Variants in FOXI1 observed in about 807,000 individuals in gnomAD.
The protein encoded by FOXI1 is forkhead box protein I1.
In FOXI1, 11 loss-of-function variants were observed where a neutral mutation model predicts 16.4. That is an observed-to-expected ratio of 0.67 (90% CI 0.42 to 1.11). FOXI1 has a LOEUF of 1.11. Among genes scored for constraint, FOXI1 ranks in the 50% least tolerant of loss-of-function variants. FOXI1 has a pLI of 0.00. For synonymous variants in FOXI1, 218 were observed against 211.5 expected, an observed-to-expected ratio of 1.03 and a Z score of -0.27; for missense variants, 480 against 506.1, an observed-to-expected ratio of 0.95 and a Z score of 0.49.
intron 1 of FOXI1, 61 bp from the exon 2 acceptor site, chr5:170,107,988 A>G: frequency 7.6e-7 from 1 of 1,310,310 alleles, no homozygotes; most frequent in Non-Finnish European, 1.1e-6. Flanking sequence ...GACAATAAGG[A>G]GGAACAGAAG....
chr5:170,107,957 T>A (rs1178291437), intron 1 of FOXI1, 92 bp from the exon 2 acceptor site: 3 of 993,254 alleles, frequency 3.0e-6, no homozygotes, highest in Admixed American at 1.8e-5. Context: ...CCTGCATCTG[T>A]CACCTTGGCT....
Position 170,108,885 on chromosome 5 carries a change from A to G in FOXI1, c.*274A>G. ...CTGTACTAGGCTCTGTACTGGCCAC[A>G]CTTACTATTGACAGTCACCCCGTAA... On this transcript the variant is annotated 3_prime_UTR_variant, in exon 2 of 2. Transcript: ENST00000306268. The G allele has an allele frequency of 2.1e-6, 1 of 474,020 alleles. No individual in the cohort carries two copies. The highest frequency in any genetic ancestry group is 3.8e-6 in the Non-Finnish European group (1 of 262,366). The allele number at this position is 474,020 out of a possible 1,614,324, so 29.4% of individuals were successfully genotyped here.
chr5:170,108,716 T>G lies in FOXI1; in HGVS notation c.*105T>G, dbSNP rs1429203091. 6 of 884,790 alleles carry G rather than the reference T, an allele frequency of 6.8e-6. No homozygotes were observed. Among genetic ancestry groups the G allele is most frequent in the Non-Finnish European group, 1.1e-5 (6 of 525,214 alleles). The allele number at this position is 884,790 out of a possible 1,614,324, so 54.8% of individuals were successfully genotyped here. ...CCATGACTGCGGAACTGCCCAGACA[T>G]AAGCAGGAGCCTCCGAGGAATCCAC... On this transcript the variant is annotated 3_prime_UTR_variant, in exon 2 of 2. Transcript: ENST00000306268.
chr5:170,108,530 G>C lies in FOXI1; in HGVS notation c.1056G>C (p.Val352=), dbSNP rs2113897301. ...PTNMLSYGGS[V]LSQFSPHFYN... ...ACATGCTCAGCTATGGAGGATCTGT[G>C]CTCAGCCAATTCAGCCCTCACTTCT... is the stretch of plus-strand genomic sequence containing the variant. Residue 352 remains valine (V), a synonymous_variant, in exon 2 of 2, where the codon GTG becomes GTC. Transcript: ENST00000306268. 1.2e-6 allele frequency: 2 copies of C among 1,612,290 alleles called. No individual in the cohort carries two copies. Among genetic ancestry groups the C allele is most frequent in the East Asian group, 4.5e-5 (2 of 44,876 alleles).
At position 170,108,105 on chromosome 5, in the gene FOXI1, A is replaced by T; in HGVS notation, c.631A>T (p.Asn211Tyr). ...CTGTGAGAAAATGTTCGACAATGGA[A>T]ATTTCCGCAGGAAAAGGAAGAGAAA... ...PNCEKMFDNGNFRRKRKRKSD... is the reference protein window; with the variant it reads ...PNCEKMFDNGYFRRKRKRKSD... The change falls in exon 2 of 2, where the codon AAT becomes TAT. Residue 211 changes from asparagine (N) to tyrosine (Y), a missense_variant. This residue lies in a region of FOXI1 where 257 missense variants were observed against 262.2 expected (regional missense o/e 0.98). Transcript: ENST00000306268. 1.2e-6 allele frequency: 2 copies of T among 1,614,198 alleles called. No individual in the cohort carries two copies. The highest frequency in any genetic ancestry group is 1.1e-5 in the South Asian group (1 of 91,088).
Position 170,108,480 on chromosome 5 carries a change from G to A in FOXI1, c.1006G>A (p.Asp336Asn). 2 of 1,601,286 alleles carry A rather than the reference G, an allele frequency of 1.2e-6. No individual in the cohort carries two copies. The highest frequency in any genetic ancestry group is 3.3e-4 in the Middle Eastern group (2 of 5,996). The stretch of plus-strand genomic sequence containing the variant: ...CCTCAGCAACCACAGCGGTGGGGGT[G>A]ACTGGGCGAACCCCATGCCCACCAA... ...TNLSNHSGGG[D>N]WANPMPTNML... is the part of the protein sequence containing the mutation. The change falls in exon 2 of 2, where the codon GAC becomes AAC. Residue 336 changes from aspartate to asparagine, a missense_variant. Coordinates refer to ENST00000306268, the MANE Select transcript of FOXI1 (RefSeq NM_012188.5).
In FOXI1 at chr5:170,107,738, C is replaced by G. The variant is rs535353944; in HGVS notation, c.575-311C>G. Among the ~76,000 whole-genome samples the G allele has an allele frequency of 2.2e-4, 34 of 152,350 alleles. No individual in the cohort carries two copies. In the South Asian group the frequency reaches 6.8e-3, roughly 31 times the overall value. On this transcript the variant is annotated intron_variant, in intron 1 of 1. Coordinates refer to ENST00000306268, the MANE Select transcript of FOXI1 (RefSeq NM_012188.5). ...CTTCAGCATTGAAAGCCCTCCAACCCCCAACCCCCAAATCCCTCAGCATCC... is the reference window on the plus strand; with the variant it reads ...CTTCAGCATTGAAAGCCCTCCAACCGCCAACCCCCAAATCCCTCAGCATCC...
chr5:170,108,163 C>T lies in FOXI1; in HGVS notation c.689C>T (p.Ala230Val). ...GTTTCCTCTAGCACAGCCTCCTTGG[C>T]CTTAGAGAAGACAGAGAGCAGTCTC... is the stretch of plus-strand genomic sequence containing the variant. ...SDVSSSTASL[A>V]LEKTESSLPV... Residue 230 changes from alanine to valine, a missense_variant, in exon 2 of 2, where the codon GCC (alanine) becomes GTC (valine). By Grantham distance (64) the Ala-to-Val change is moderately conservative. Transcript: ENST00000306268. 6 of 1,614,098 alleles carry T rather than the reference C, an allele frequency of 3.7e-6. No homozygotes were observed. Among genetic ancestry groups the T allele is most frequent in the Non-Finnish European group, 5.1e-6 (6 of 1,179,946 alleles).
At position 170,108,756 on chromosome 5, in the gene FOXI1, A is replaced by G; in HGVS notation, c.*145A>G. On this transcript the variant is annotated 3_prime_UTR_variant, in exon 2 of 2. Coordinates refer to ENST00000306268, the MANE Select transcript of FOXI1 (RefSeq NM_012188.5). ...GAGGAATCCACCCTCTTTCTAGAAC[A>G]CTGGTTAAGGCTTCTGTTTATCACA... 1 of 688,224 alleles carries G rather than the reference A, an allele frequency of 1.5e-6. No individual in the cohort carries two copies. Among genetic ancestry groups the G allele is most frequent in the Non-Finnish European group, 2.6e-6 (1 of 387,028 alleles). 42.6% of individuals were successfully genotyped at this position (688,224 alleles called of 1,614,324 possible).
Position 170,106,273 on chromosome 5 carries a change from G to C in FOXI1, c.316G>C (p.Asp106His), listed in dbSNP as rs1342989854. 8 of 1,580,566 alleles carry C rather than the reference G, an allele frequency of 5.1e-6. No individual in the cohort carries two copies. The highest frequency in any genetic ancestry group is 6.9e-6 in the Non-Finnish European group (8 of 1,163,438). The change falls in exon 1 of 2, where the codon GAC becomes CAC. Residue 106 changes from aspartate to histidine, a missense_variant. Physicochemically the swap from Asp to His is moderately conservative, Grantham distance 81 (BLOSUM62 -1). Around this residue, in one of 3 missense-constraint regions of FOXI1, gnomAD observed 219 missense variants for 222.9 expected, o/e 0.98. Transcript: ENST00000306268. The stretch of plus-strand genomic sequence containing the variant: ...CAGCGTGTCGGGGCTTGGGGGGAGC[G>C]ACCTGGGCTGGCTGCCCATCCCCTC... ...LPSVSGLGGSDLGWLPIPSQE... is the reference protein window; with the variant it reads ...LPSVSGLGGSHLGWLPIPSQE...
Position 170,108,924 on chromosome 5 carries a change from C to T in FOXI1, c.*313C>T, listed in dbSNP as rs1390011363. On this transcript the variant is annotated 3_prime_UTR_variant, in exon 2 of 2. Coordinates refer to ENST00000306268, the MANE Select transcript of FOXI1 (RefSeq NM_012188.5). Reference sequence around the variant, plus strand: ...GTCACCCCGTAAGGTTCACAAACCACCCCATTGAACAGATGAGGAACTGAG... The same window carrying T: ...GTCACCCCGTAAGGTTCACAAACCATCCCATTGAACAGATGAGGAACTGAG... 2.0e-5 allele frequency: 7 copies of T among 352,986 alleles called. No individual in the cohort carries two copies. The highest frequency in any genetic ancestry group is 3.7e-5 in the Non-Finnish European group (7 of 191,112). 21.9% of individuals were successfully genotyped at this position (352,986 alleles called of 1,614,324 possible).
Position 170,108,571 on chromosome 5 carries a change from C to T in FOXI1, c.1097C>T (p.Thr366Ile). 1.2e-6 allele frequency: 2 copies of T among 1,613,602 alleles called. No homozygotes were observed. Among genetic ancestry groups the T allele is most frequent in the Non-Finnish European group, 8.5e-7 (1 of 1,179,906 alleles). ...FSPHFYNSVNTSGVLYPREGT... is the reference protein window; with the variant it reads ...FSPHFYNSVNISGVLYPREGT... ...CCTCACTTCTACAACAGTGTCAACACCAGTGGTGTCCTCTACCCCAGGGAG... is the reference window on the plus strand; with the variant it reads ...CCTCACTTCTACAACAGTGTCAACATCAGTGGTGTCCTCTACCCCAGGGAG... Residue 366 changes from threonine to isoleucine, a missense_variant, in exon 2 of 2, where the codon ACC becomes ATC. Physicochemically the swap from Thr to Ile is moderately conservative, Grantham distance 89 (BLOSUM62 -1). Transcript: ENST00000306268.
Position 170,106,179 on chromosome 5 carries a change from C to G in FOXI1, c.222C>G (p.Pro74=). 1 of 1,595,578 alleles carries G rather than the reference C, an allele frequency of 6.3e-7. No individual in the cohort carries two copies. Among genetic ancestry groups the G allele is most frequent in the South Asian group, 1.1e-5 (1 of 88,932 alleles). ...ACGGGCCCACCATGACCCCGCCACC[C>G]TACCTGCCCGGCCCCAACGCCAGCC... ...WFNGPTMTPP[P]YLPGPNASPF... Residue 74 remains proline, a synonymous_variant, in exon 1 of 2, where the codon CCC becomes CCG. Transcript: ENST00000306268.
intron 1 of FOXI1, chr5:170,107,079 G>T (rs1008426906): frequency 1.1e-5 from 8 of 754,446 alleles, no homozygotes; most frequent in Middle Eastern, 6.7e-4. Context: ...CCTTTAACCC[G>T]AAGACACCCC....
chr5:170,106,998 G>A, intron 1 of FOXI1: 1 of 985,416 alleles, frequency 1.0e-6, no homozygotes, highest in Non-Finnish European at 1.2e-6. Flanking sequence ...GCCAGGAAGA[G>A]GATCTGACCT....
rs1020714037 is a variant in FOXI1, at chr5:170,108,692, C to T, written c.*81C>T. The T allele has an allele frequency of 1.8e-5, 20 of 1,124,978 alleles. No individual in the cohort carries two copies. In the Admixed American group the frequency reaches 1.9e-4, roughly 10 times the overall value. The allele number at this position is 1,124,978 out of a possible 1,614,324, so 69.7% of individuals were successfully genotyped here. On this transcript the variant is annotated 3_prime_UTR_variant, in exon 2 of 2. Transcript: ENST00000306268. Reference sequence around the variant, plus strand: ...CCTCCATGCCAGCCCCACGGTGGTCCATGACTGCGGAACTGCCCAGACATA... The same window carrying T: ...CCTCCATGCCAGCCCCACGGTGGTCTATGACTGCGGAACTGCCCAGACATA...
In FOXI1 at chr5:170,108,278, C is replaced by T. The variant is rs1163192918; in HGVS notation, c.804C>T (p.Pro268=). ...CCACCAGCTCCCCAGAGAAGCGGCC[C>T]TCCCCTCCCCCATCAGGCGCCCCTT... ...GGTTSSPEKR[P]SPPPSGAPCL... Residue 268 remains proline, a synonymous_variant, in exon 2 of 2, where the codon CCC becomes CCT. Coordinates refer to ENST00000306268, the MANE Select transcript of FOXI1 (RefSeq NM_012188.5). 3.1e-6 allele frequency: 5 copies of T among 1,614,004 alleles called. No individual in the cohort carries two copies. The highest frequency in any genetic ancestry group is 4.2e-6 in the Non-Finnish European group (5 of 1,180,000).
chr5:170,107,097 TA>T (rs1429393820), intron 1 of FOXI1: 20 of 568,156 alleles, frequency 3.5e-5, no homozygotes, highest in Non-Finnish European at 4.2e-5. Flanking sequence ...CCCTGCAGGG[TA>T]GCTCTTATGA....
intron 1 of FOXI1, chr5:170,106,989 C>A (rs1758511450): frequency 1.0e-6 from 1 of 985,240 alleles, no homozygotes; most frequent in South Asian, 4.7e-5. Context: ...CCCAAGACTG[C>A]CAGGAAGAGG....
Sources: gnomAD v4.1 joint callset for allele counts (sites outside exome capture counted in the v4.1 genomes callset) on GRCh38, gnomAD v4.1.1 for gene constraint, gnomAD v4.1.1 regional missense constraint, MANE v1.5 for transcripts, NCBI Gene and HGNC (gene_info 2026-07-23, HGNC 2026-07-21) for gene names.